Variants in ENPP2 observed in about 807,000 individuals in gnomAD.
ENPP2 encodes autotaxin.
ENPP2 carries 51 observed loss-of-function variants against 120.2 expected under a neutral mutation model. The observed-to-expected ratio is 0.42, with a 90% confidence interval of 0.34 to 0.54. The LOEUF (loss-of-function observed/expected upper bound fraction) is 0.54, where lower values mean the gene tolerates loss of function less well. Ranked by LOEUF, ENPP2 falls within the 20% of genes least tolerant of loss-of-function variation. ENPP2 has a pLI of 0.04. For synonymous variants in ENPP2, 365 were observed against 366.4 expected (o/e 1.00, Z 0.04); for missense variants, 920 against 1,066.5 (o/e 0.86, Z 1.91).
intron 11 of ENPP2, among the ~76,000 whole-genome samples, chr8:119,597,960 A>G (rs889013432): frequency 7.2e-5 from 11 of 152,346 alleles, no homozygotes; most frequent in Admixed American, 3.3e-4. Flanking sequence ...GAAATTTCAA[A>G]TATAGGTTAT....
At chr8:119,559,561 T>C (rs1340889118) in intron 24 of ENPP2, among the ~76,000 whole-genome samples, 1 of 152,216 alleles carries the variant, frequency 6.6e-6, no homozygotes, top group Non-Finnish European at 1.5e-5. Context: ...ATACTAGCTA[T>C]GTGGCATGTG....
chr8:119,666,666 G>C (rs1366210103), intron 1 of ENPP2, among the ~76,000 whole-genome samples: 1 of 151,916 alleles, frequency 6.6e-6, no homozygotes, highest in East Asian at 1.9e-4. Flanking sequence ...TGTAATCCCA[G>C]CTACTTGGGA....
intron 23 of ENPP2, among the ~76,000 whole-genome samples, chr8:119,563,605 G>A (rs1008009246): frequency 3.3e-5 from 5 of 152,136 alleles, no homozygotes; most frequent in African/African-American, 1.2e-4. Context: ...GAGTGCTAAT[G>A]ATGGACCTAG....
At chr8:119,644,621 TATATACAC>T (rs1235960621) in intron 1 of ENPP2, among the ~76,000 whole-genome samples, 10 of 104,498 alleles carry the variant, frequency 9.6e-5, no homozygotes, top group African/African-American at 1.9e-4. Flanking sequence ...TATATATATA[TATATACAC>T]ACACACACAC....
In ENPP2 at chr8:119,564,961, C is replaced by G; in HGVS notation, c.2132-6G>C. On this transcript the variant is annotated splice_polypyrimidine_tract_variant and splice_region_variant and intron_variant, in intron 22 of 24. Transcript: ENST00000075322. ...TTGGAAATAATTCCAGACCCCTGTG[C>G]AAAGACAAAAATCCAAAAATCAATT... 1 of 1,608,426 alleles carries G rather than the reference C, an allele frequency of 6.2e-7. No homozygotes were observed. Among genetic ancestry groups the G allele is most frequent in the Admixed American group, 1.7e-5 (1 of 58,700 alleles).
intron 12 of ENPP2, 134 bp from the exon 13 acceptor site, chr8:119,590,764 G>T: frequency 1.8e-6 from 1 of 541,578 alleles, no homozygotes; most frequent in Non-Finnish European, 3.1e-6. Flanking sequence ...TGACTTTTGA[G>T]ATTTTTGTAT....
chr8:119,565,809 TC>T (rs1162142961), intron 22 of ENPP2, among the ~76,000 whole-genome samples: 1 of 151,742 alleles, frequency 6.6e-6, no homozygotes, highest in African/African-American at 2.4e-5. Context: ...TGTAGCCCAC[TC>T]CCCCATATCG....
chr8:119,662,321 T>C (rs1458990809), intron 1 of ENPP2, among the ~76,000 whole-genome samples: 1 of 152,152 alleles, frequency 6.6e-6, no homozygotes, highest in East Asian at 1.9e-4. Context: ...TATTTGTCAA[T>C]TAAATAAATA....
At chr8:119,571,736 T>C (rs1814999180) in intron 19 of ENPP2, 1 of 153,324 alleles carries the variant, frequency 6.5e-6, no homozygotes, top group South Asian at 2.0e-4. Flanking sequence ...TCACAATTCC[T>C]TAAGTGATAA....
chr8:119,649,356 C>T lies in ENPP2; in HGVS notation c.22-10829G>A, dbSNP rs368621637. On this transcript the variant is annotated intron_variant, in intron 1 of 25. Coordinates refer to the ENPP2 transcript ENST00000427067. ...GGCGGAGCTTGCAGTGAGCCGAGAT[C>T]GTGCCAATGCACTCCAGCCTGGATA... is the stretch of plus-strand genomic sequence containing the variant. 1.8e-3 allele frequency among the ~76,000 whole-genome samples: 269 copies of T among 147,306 alleles called. 2 individuals are homozygous for T. The highest frequency in any genetic ancestry group is 0.014 in the Middle Eastern group (4 of 286).
chr8:119,565,801 T>C (rs565102109), intron 22 of ENPP2, among the ~76,000 whole-genome samples: 1 of 152,138 alleles, frequency 6.6e-6, no homozygotes, highest in Non-Finnish European at 1.5e-5. Flanking sequence ...TTGTACCTTG[T>C]AGCCCACTCC....
intron 12 of ENPP2, 71 bp downstream of exon 12, chr8:119,593,681 G>T: frequency 1.0e-6 from 1 of 968,574 alleles, no homozygotes; most frequent in South Asian, 1.4e-5. Context: ...TAAGGGCAAG[G>T]ATTCTTTTCC....
chr8:119,558,906 G>A (rs1318007717), intron 24 of ENPP2, among the ~76,000 whole-genome samples: 1 of 152,122 alleles, frequency 6.6e-6, no homozygotes, highest in Non-Finnish European at 1.5e-5. Context: ...CCTGCAATGG[G>A]CTTTCTCGGA....
At chr8:119,626,468 A>T in intron 3 of ENPP2, 97 bp downstream of exon 3, 1 of 882,944 alleles carries the variant, frequency 1.1e-6, no homozygotes, top group Non-Finnish European at 1.8e-6. Flanking sequence ...CACAGTTTGG[A>T]TAGACCAAAG....
At chr8:119,580,528 T>C (rs867890119) in intron 18 of ENPP2, 7 of 210,478 alleles carry the variant, frequency 3.3e-5, no homozygotes, top group African/African-American at 1.2e-4. Context: ...CACACTGAAG[T>C]GATTCCCAAA....
chr8:119,638,312 C>A, intron 2 of ENPP2, 113 bp downstream of exon 2: 1 of 616,904 alleles, frequency 1.6e-6, no homozygotes, highest in Non-Finnish European at 2.8e-6. Context: ...TTAGGACTAA[C>A]TTAGTTATAC....
intron 12 of ENPP2, chr8:119,592,824 GCT>G (rs1491560040): frequency 3.1e-5 from 4 of 127,574 alleles, no homozygotes; most frequent in Admixed American, 3.1e-4. Context: ...AATCCCTTTG[GCT>G]TTTTTTTTTT....
intron 13 of ENPP2, 26 bp from the exon 14 acceptor site, chr8:119,587,101 CA>C: frequency 6.3e-7 from 1 of 1,589,170 alleles, no homozygotes; most frequent in Non-Finnish European, 8.6e-7. Context: ...AGAAAGATTT[CA>C]AAAGAAATAA....
rs182941883 is a variant in ENPP2, at chr8:119,651,071, A to G, written c.22-12544T>C. Among the ~76,000 whole-genome samples the G allele has an allele frequency of 2.6e-5, 4 of 152,276 alleles. No individual in the cohort carries two copies. The East Asian group carries it at 7.7e-4, about 29-fold the overall frequency. On this transcript the variant is annotated intron_variant, in intron 1 of 25. Coordinates refer to the ENPP2 transcript ENST00000427067. The stretch of plus-strand genomic sequence containing the variant: ...AATCAATAAAACAGAAAGGCTGTCC[A>G]TAGATATGTCACAGAGCTAAAGGAC...
Sources: gnomAD v4.1 joint callset for allele counts (sites outside exome capture counted in the v4.1 genomes callset) on GRCh38, gnomAD v4.1.1 for gene constraint, MANE v1.5 for transcripts, NCBI Gene and HGNC (gene_info 2026-07-23, HGNC 2026-07-21) for gene names.